The following COQ7 variants were observed in gnomAD, a reference collection of about 807,000 sequenced individuals.
COQ7 encodes NADPH-dependent 3-demethoxyubiquinone 3-hydroxylase, mitochondrial.
Under a neutral mutation model 25.0 loss-of-function variants are expected in COQ7, and 21 were observed. The observed-to-expected ratio is 0.84, with a 90% confidence interval of 0.60 to 1.21. The LOEUF (loss-of-function observed/expected upper bound fraction) is 1.21. Among genes scored for constraint, COQ7 ranks in the 50% most tolerant of loss-of-function variants. COQ7 has a pLI of 0.00. For synonymous variants in COQ7, 125 were observed against 112.4 expected (o/e 1.11, Z -0.71); for missense variants, 311 against 296.2 (o/e 1.05, Z -0.37).
chr16:19,074,149 C>T (rs1962710334), intron 3 of COQ7, 114 bp downstream of exon 3: 1 of 681,084 alleles, frequency 1.5e-6, no homozygotes, highest in Non-Finnish European at 2.4e-6. Flanking sequence ...ATTCTGTTTA[C>T]TTCATATTTT....
At chr16:19,075,021 C>A (rs1962759698) in intron 3 of COQ7, among the ~76,000 whole-genome samples, 1 of 152,044 alleles carries the variant, frequency 6.6e-6, no homozygotes, top group Non-Finnish European at 1.5e-5. Context: ...GATATACTCA[C>A]CCCAAATGCT....
intron 1 of COQ7, chr16:19,068,583 CAG>C (rs1011853956): frequency 2.0e-4 from 40 of 199,256 alleles, no homozygotes; most frequent in Admixed American, 2.0e-3. Flanking sequence ...ACCCGGGAGG[CAG>C]AGATTGCTTT....
intron 1 of COQ7, among the ~76,000 whole-genome samples, chr16:19,070,929 C>G (rs1194119895): frequency 6.6e-6 from 1 of 152,154 alleles, no homozygotes; most frequent in Non-Finnish European, 1.5e-5. Flanking sequence ...ATATAAGGCT[C>G]AGAGAATATA....
At chr16:19,072,131 C>T (rs763575364) in intron 2 of COQ7, 25 bp downstream of exon 2, 36 of 1,613,290 alleles carry the variant, frequency 2.2e-5, no homozygotes, top group Admixed American at 3.3e-5. Context: ...ATCTCCCTCA[C>T]CCTGGTCTAC....
At chr16:19,075,905 G>A (rs781613479) in intron 4 of COQ7, 45 bp downstream of exon 4, 1 of 1,612,842 alleles carries the variant, frequency 6.2e-7, no homozygotes, top group Admixed American at 1.7e-5. Context: ...GGAGGAAAAT[G>A]GCAGATAGCA....
chr16:19,079,394 A>C lies in COQ7; in HGVS notation c.*1236A>C. 1.3e-5 allele frequency: 2 copies of C among 150,612 alleles called. No individual in the cohort carries two copies. The highest frequency in any genetic ancestry group is 6.7e-5 in the Admixed American group (1 of 15,012). 9.3% of individuals were successfully genotyped at this position (150,612 alleles called of 1,614,324 possible). On this transcript the variant is annotated 3_prime_UTR_variant, in exon 6 of 6. Coordinates refer to ENST00000321998, the MANE Select transcript of COQ7 (RefSeq NM_016138.5). ...AACCTTTTCCTTAAGGTCTTTTACC[A>C]CCTCCCCCCCAAAAAAATCCCCCAA...
At chr16:19,081,216 C>A (rs1457020627), downstream of COQ7, among the ~76,000 whole-genome samples, 1 of 152,130 alleles carries the variant, frequency 6.6e-6, no homozygotes, top group African/African-American at 2.4e-5. Context: ...CTGCTGGTTT[C>A]TCTAGAATTC....
At chr16:19,071,049 T>C (rs1416040629) in intron 1 of COQ7, among the ~76,000 whole-genome samples, 1 of 152,238 alleles carries the variant, frequency 6.6e-6, no homozygotes, top group Non-Finnish European at 1.5e-5. Flanking sequence ...TGGAGCATAA[T>C]GAAGTGAAAT....
At chr16:19,068,915 A>G (rs1472704873) in intron 1 of COQ7, 1 of 442,198 alleles carries the variant, frequency 2.3e-6, no homozygotes, top group Non-Finnish European at 4.5e-6. Flanking sequence ...CAAATTAAAA[A>G]GTTATGAAAT....
At chr16:19,070,990 G>A (rs531697811) in intron 1 of COQ7, among the ~76,000 whole-genome samples, 2 of 152,326 alleles carry the variant, frequency 1.3e-5, no homozygotes, top group African/African-American at 4.8e-5. Context: ...AATATAATCT[G>A]TCATGAAGAA....
chr16:19,077,235 C>A, intron 4 of COQ7, 71 bp from the exon 5 acceptor site: 2 of 1,358,942 alleles, frequency 1.5e-6, no homozygotes, highest in Non-Finnish European at 2.1e-6. Flanking sequence ...GAGGCTTTAG[C>A]CTCCAAAATG....
chr16:19,071,974 T>A lies in COQ7; in HGVS notation c.120T>A (p.Thr40=), dbSNP rs1249192119. 1 of 1,614,138 alleles carries A rather than the reference T, an allele frequency of 6.2e-7. No individual in the cohort carries two copies. The highest frequency in any genetic ancestry group is 8.5e-7 in the Non-Finnish European group (1 of 1,180,064). The change falls in exon 2 of 6, where the codon ACT becomes ACA. Residue 40 remains threonine, a synonymous_variant. Coordinates refer to ENST00000321998, the MANE Select transcript of COQ7 (RefSeq NM_016138.5). ...TSVRFRSSGM[T]LDNISRAAVD... is the part of the protein sequence containing the mutation. ...TCAGATTTCGCAGTTCAGGAATGAC[T>A]TTAGACAATATCAGTCGGGCAGCTG... is the stretch of plus-strand genomic sequence containing the variant.
rs962121430 is a variant in COQ7 at position 19,067,628 on chromosome 16, C to A, written c.-37C>A. 2.5e-6 allele frequency: 4 copies of A among 1,612,818 alleles called. No individual in the cohort carries two copies. In the African/African-American group the frequency reaches 5.3e-5, roughly 22 times the overall value. On this transcript the variant is annotated 5_prime_UTR_variant, in exon 1 of 6. Transcript: ENST00000321998. ...GAGCCAAGGGCACTATTGGCCAGTTCCGTTCAACGAAGTGGTTGCTTTTTT... is the reference window on the plus strand; with the variant it reads ...GAGCCAAGGGCACTATTGGCCAGTTACGTTCAACGAAGTGGTTGCTTTTTT...
In COQ7 at chr16:19,078,348, AG is replaced by A; in HGVS notation, c.*191del. The A allele has an allele frequency of 2.2e-6, 1 of 448,128 alleles. No homozygotes were observed. 27.8% of individuals were successfully genotyped at this position (448,128 alleles called of 1,614,324 possible). A position where few individuals can be genotyped will look rare whatever the true frequency, so the allele number is the denominator to read the frequency against. On this transcript the variant is annotated 3_prime_UTR_variant, in exon 6 of 6. Coordinates refer to ENST00000321998, the MANE Select transcript of COQ7 (RefSeq NM_016138.5). ...TCTCTGGGTTGTTTTTTCTGCCATGAGACCAACAGGTCACCAGCCTTGTTCA... is the reference window on the plus strand; with the variant it reads ...TCTCTGGGTTGTTTTTTCTGCCATGAACCAACAGGTCACCAGCCTTGTTCA...
In COQ7 at chr16:19,067,741, A is replaced by G. The variant is rs1962298568; in HGVS notation, c.73+4A>G. 1.9e-6 allele frequency: 3 copies of G among 1,600,432 alleles called. No individual in the cohort carries two copies. Among genetic ancestry groups the G allele is most frequent in the South Asian group, 2.2e-5 (2 of 90,806 alleles). On this transcript the variant is annotated splice_donor_region_variant and intron_variant, in intron 1 of 5. Transcript: ENST00000321998. ...GGGGCCCGGCGGTCCCTCTCAGGTA[A>G]AAGGAGGCGCGCAGTCACAGTCCTG...
chr16:19,076,470 C>G (rs1191451147), intron 4 of COQ7, among the ~76,000 whole-genome samples: 2 of 151,324 alleles, frequency 1.3e-5, no homozygotes, highest in Non-Finnish European at 2.9e-5. Context: ...TAGGCACAGT[C>G]TCTCTCTATG....
downstream of COQ7, among the ~76,000 whole-genome samples, chr16:19,080,335 CAAA>C (rs1043140908): frequency 6.6e-6 from 1 of 151,880 alleles, no homozygotes; most frequent in African/African-American, 2.4e-5. Context: ...AATAAACTAC[CAAA>C]AAAAGAAGGG....
intron 3 of COQ7, 113 bp downstream of exon 3, chr16:19,074,148 A>G: frequency 5.8e-6 from 4 of 690,376 alleles, no homozygotes; most frequent in East Asian, 6.1e-5. Flanking sequence ...CATTCTGTTT[A>G]CTTCATATTT....
intron 3 of COQ7, 122 bp from the exon 4 acceptor site, chr16:19,075,599 T>C (rs1279944530): frequency 6.5e-6 from 7 of 1,082,150 alleles, no homozygotes; most frequent in Non-Finnish European, 9.2e-6. Context: ...GGACAGCCCC[T>C]GTCACAAAGA....
Sources: gnomAD v4.1 joint callset for allele counts (sites outside exome capture counted in the v4.1 genomes callset) on GRCh38, gnomAD v4.1.1 for gene constraint, MANE v1.5 for transcripts, NCBI Gene and HGNC (gene_info 2026-07-23, HGNC 2026-07-21) for gene names.